Variants in CLEC17A observed in about 807,000 individuals in gnomAD.
CLEC17A encodes the protein C-type lectin domain containing 17A.
CLEC17A carries 37 observed loss-of-function variants against 61.3 expected under a neutral mutation model. That is an observed-to-expected ratio of 0.60 (90% CI 0.46 to 0.79). CLEC17A has a LOEUF of 0.79. Among genes scored for constraint, CLEC17A ranks in the 30% least tolerant of loss-of-function variants. The probability of loss-of-function intolerance (pLI) is 0.00; values close to 1 mark genes in which losing one functional copy is unlikely to be tolerated. For missense variants in CLEC17A, 418 were observed against 464.7 expected (o/e 0.90, Z 0.92); for synonymous variants, 168 against 164.9 (o/e 1.02, Z -0.14).
rs766766843 is a variant in CLEC17A at position 14,597,144 on chromosome 19, T to G, written c.629T>G (p.Met210Arg). 4.3e-6 allele frequency: 7 copies of G among 1,611,904 alleles called. No homozygotes were observed. The South Asian group carries it at 7.7e-5, about 18-fold the overall frequency. Residue 210 changes from methionine to arginine, a missense_variant, in exon 10 of 14, where the codon ATG becomes AGG. Met to Arg is a moderately conservative substitution (Grantham distance 91, BLOSUM62 -1). Coordinates refer to ENST00000417570, the MANE Select transcript of CLEC17A (RefSeq NM_001204118.2). ...CTGAGAATGTTAAGCTTTCAGCAGA[T>G]GACGTGGCGAACAAATAGTGAGTGC... is the stretch of plus-strand genomic sequence containing the variant. Reference protein sequence around the residue: ...EELRMLSFQQMTWRTNMTGMA... With the variant: ...EELRMLSFQQRTWRTNMTGMA...
intron 12 of CLEC17A, among the ~76,000 whole-genome samples, chr19:14,604,155 TTCCGCTC>T (rs2074793699): frequency 6.6e-6 from 1 of 152,166 alleles, no homozygotes; most frequent in South Asian, 2.1e-4. Context: ...AGGAAGACCT[TTCCGCTC>T]TCTGATTTTC....
In CLEC17A at chr19:14,594,807, A is replaced by C; in HGVS notation, c.403+7A>C. ...TGTCCACCTCCTCAACTGGGTGAGC[A>C]GTGGGAAGACCCTTTAAGATGCCTA... On this transcript the variant is annotated splice_region_variant and intron_variant, in intron 7 of 13. Coordinates refer to ENST00000417570, the MANE Select transcript of CLEC17A (RefSeq NM_001204118.2). 1 of 1,613,342 alleles carries C rather than the reference A, an allele frequency of 6.2e-7. No individual in the cohort carries two copies. Among genetic ancestry groups the C allele is most frequent in the Non-Finnish European group, 8.5e-7 (1 of 1,179,486 alleles).
At chr19:14,591,217 C>G (rs1255620085) in intron 3 of CLEC17A, among the ~76,000 whole-genome samples, 2 of 151,282 alleles carry the variant, frequency 1.3e-5, no homozygotes, top group East Asian at 1.9e-4. Flanking sequence ...TGCAGTGGCG[C>G]GATCTCGGCT....
At chr19:14,601,644 G>A (rs924399265) in intron 12 of CLEC17A, among the ~76,000 whole-genome samples, 9 of 151,828 alleles carry the variant, frequency 5.9e-5, no homozygotes, top group African/African-American at 2.2e-4. Flanking sequence ...TCAGGGACAA[G>A]GTCTCACTCT....
chr19:14,585,461 C>G (rs912932983), intron 2 of CLEC17A, among the ~76,000 whole-genome samples: 7 of 152,164 alleles, frequency 4.6e-5, no homozygotes, highest in Non-Finnish European at 1.0e-4. Context: ...TTCTCATATT[C>G]GTGCCCTTGT....
At chr19:14,603,916 T>C (rs1285486987) in intron 12 of CLEC17A, among the ~76,000 whole-genome samples, 1 of 152,212 alleles carries the variant, frequency 6.6e-6, no homozygotes, top group Non-Finnish European at 1.5e-5. Flanking sequence ...TGCCTAGAAA[T>C]AGCAAGGACT....
intron 3 of CLEC17A, chr19:14,588,238 G>A (rs1420432068): frequency 6.5e-6 from 1 of 153,916 alleles, no homozygotes; most frequent in African/African-American, 2.4e-5. Flanking sequence ...CTGTAGTCTT[G>A]ATACTTTGGG....
At chr19:14,603,561 G>T (rs74806714) in intron 12 of CLEC17A, among the ~76,000 whole-genome samples, 4,316 of 152,038 alleles carry the variant, frequency 0.028, 199 homozygotes, top group African/African-American at 0.096. Flanking sequence ...CCAGGTTCAG[G>T]CAATCCTCCT....
chr19:14,603,394 A>C (rs554997960), intron 12 of CLEC17A, among the ~76,000 whole-genome samples: 18 of 152,318 alleles, frequency 1.2e-4, no homozygotes, highest in African/African-American at 3.6e-4. Flanking sequence ...CAAAATGGGC[A>C]TAATGATAAT....
chr19:14,602,200 G>GTT (rs576704612), intron 12 of CLEC17A, among the ~76,000 whole-genome samples: 11 of 149,192 alleles, frequency 7.4e-5, no homozygotes, highest in African/African-American at 2.7e-4. Context: ...TATTTAAAAT[G>GTT]TTTTTTTTTT....
upstream of CLEC17A, among the ~76,000 whole-genome samples, chr19:14,582,845 T>C (rs1225709662): frequency 6.6e-5 from 10 of 151,954 alleles, no homozygotes; most frequent in African/African-American, 2.4e-4. Flanking sequence ...TGGCCTTAAG[T>C]GATCCATCCA....
intron 3 of CLEC17A, among the ~76,000 whole-genome samples, chr19:14,587,960 T>C (rs2074325346): frequency 1.3e-5 from 2 of 151,994 alleles, no homozygotes; most frequent in African/African-American, 4.8e-5. Context: ...AGGAAGGGAC[T>C]TTGGGGTGAG....
chr19:14,595,158 C>T (rs2074513842), intron 7 of CLEC17A, 116 bp from the exon 8 acceptor site: 1 of 1,180,522 alleles, frequency 8.5e-7, no homozygotes, highest in Non-Finnish European at 1.2e-6. Flanking sequence ...AGGCGTGAGC[C>T]ACTGCCCACA....
chr19:14,603,423 T>C (rs1462869862), intron 12 of CLEC17A, among the ~76,000 whole-genome samples: 3 of 152,162 alleles, frequency 2.0e-5, no homozygotes, highest in African/African-American at 4.8e-5. Context: ...CAGTGAGTCA[T>C]GATAAGGATC....
chr19:14,599,954 G>A (rs1599558813), intron 11 of CLEC17A, 77 bp from the exon 12 acceptor site: 1 of 1,567,158 alleles, frequency 6.4e-7, no homozygotes, highest in East Asian at 2.3e-5. Context: ...TGTACAGCCT[G>A]CACAACTGTA....
intron 4 of CLEC17A, among the ~76,000 whole-genome samples, chr19:14,593,671 A>G (rs2146692811): frequency 6.6e-6 from 1 of 152,172 alleles, no homozygotes; most frequent in African/African-American, 2.4e-5. Flanking sequence ...TTAAAAAAAT[A>G]GAACACGGGC....
Position 14,611,253 on chromosome 19 carries a change from A to G in CLEC17A, c.*1057A>G. ...TGGTCTCAAACAGCACAAATAACCCAGAAACCATCAAAATTATTTTTGACC... is the reference window on the plus strand; with the variant it reads ...TGGTCTCAAACAGCACAAATAACCCGGAAACCATCAAAATTATTTTTGACC... On this transcript the variant is annotated 3_prime_UTR_variant, in exon 14 of 14. Transcript: ENST00000417570. 6.6e-6 allele frequency: 1 copy of G among 151,968 alleles called. No homozygotes were observed. Among genetic ancestry groups the G allele is most frequent in the East Asian group, 1.9e-4 (1 of 5,188 alleles). The allele number at this position is 151,968 out of a possible 1,614,324, so 9.4% of individuals were successfully genotyped here. A position where few individuals can be genotyped will look rare whatever the true frequency, so the allele number is the denominator to read the frequency against.
chr19:14,595,383 T>C, intron 8 of CLEC17A, 68 bp downstream of exon 8: 1 of 1,547,092 alleles, frequency 6.5e-7, no homozygotes. Flanking sequence ...GGCTCTACAG[T>C]GAGACCCTGA....
chr19:14,590,559 G>A (rs1434590528), intron 3 of CLEC17A, among the ~76,000 whole-genome samples: 1 of 151,930 alleles, frequency 6.6e-6, no homozygotes, highest in Non-Finnish European at 1.5e-5. Flanking sequence ...GGCTAATTTT[G>A]TATTTTTAGA....
Sources: gnomAD v4.1 joint callset for allele counts (sites outside exome capture counted in the v4.1 genomes callset) on GRCh38, gnomAD v4.1.1 for gene constraint, MANE v1.5 for transcripts, NCBI Gene and HGNC (gene_info 2026-07-23, HGNC 2026-07-21) for gene names.